PRKAG1: variants seen among roughly 807,000 people sequenced by gnomAD.
PRKAG1 encodes protein kinase AMP-activated non-catalytic subunit gamma 1.
PRKAG1 carries 27 observed loss-of-function variants against 48.2 expected under a neutral mutation model. The observed-to-expected ratio is 0.56, with a 90% CI of 0.41 to 0.77. PRKAG1 has a LOEUF of 0.77. Ranked by LOEUF, PRKAG1 falls within the 30% of genes least tolerant of loss-of-function variation. The pLI is 0.00. For missense variants in PRKAG1, 287 were observed against 398.3 expected (o/e 0.72, Z 2.38); for synonymous variants, 130 against 147.7 (o/e 0.88, Z 0.87).
At chr12:49,004,683 G>A (rs199566332) in intron 7 of PRKAG1, 50 bp from the exon 8 acceptor site, 17 of 1,612,270 alleles carry the variant, frequency 1.1e-5, no homozygotes, top group Non-Finnish European at 1.4e-5. Context: ...GGCTGGGGGT[G>A]ATTAAACAGG....
rs776341939 is a variant in PRKAG1 at position 49,005,721 on chromosome 12, G to A, written c.168+22C>T. On this transcript the variant is annotated intron_variant, in intron 3 of 11. Transcript: ENST00000548065. This position sits in a 1 kb window ranked among gnomAD's most constrained non-coding sequence, Gnocchi z 4.1. ...TAAACCACAGGCTCCAAAGGGGGAA[G>A]GGAAAAGAGGATTTCACCCACCTGC... 1.2e-6 allele frequency: 2 copies of A among 1,609,472 alleles called. No individual in the cohort carries two copies. The highest frequency in any genetic ancestry group is 1.7e-6 in the Non-Finnish European group (2 of 1,175,936).
chr12:49,017,248 T>C (rs1565742877), intron 1 of PRKAG1: 1 of 455,364 alleles, frequency 2.2e-6, no homozygotes, highest in African/African-American at 2.0e-5. Flanking sequence ...TCACTCAGAC[T>C]GGAGTGCAGT....
At chr12:49,004,484 G>T in intron 8 of PRKAG1, 23 bp downstream of exon 8, 1 of 1,609,600 alleles carries the variant, frequency 6.2e-7, no homozygotes, top group Admixed American at 1.7e-5. Flanking sequence ...AGAGAAAAAA[G>T]AACTGGGCTG....
At chr12:49,015,767 G>T (rs149025906) in intron 1 of PRKAG1, among the ~76,000 whole-genome samples, 2,796 of 151,932 alleles carry the variant, frequency 0.018, 75 homozygotes, top group African/African-American at 0.061. Context: ...TAGTAGAGAC[G>T]GGGTTTCACT....
At position 49,003,806 on chromosome 12, in the gene PRKAG1, C is replaced by A. The variant is rs199506395; in HGVS notation, c.654G>T (p.Gly218=). ...RTTTPVYVAL[G]IFVQHRVSAL... ...CTGAGACTCGATGCTGTACAAAAAT[C>A]CCCAGAGCCACATAGACGGGGGTGG... Residue 218 remains glycine, a synonymous_variant, in exon 9 of 12, where the codon GGG becomes GGT. Coordinates refer to ENST00000548065, the MANE Select transcript of PRKAG1 (RefSeq NM_002733.5). 3.7e-6 allele frequency: 6 copies of A among 1,614,032 alleles called. No homozygotes were observed. In the East Asian group the frequency reaches 1.3e-4, roughly 36 times the overall value.
At chr12:49,004,706 A>G in intron 7 of PRKAG1, 73 bp from the exon 8 acceptor site, 1 of 1,596,562 alleles carries the variant, frequency 6.3e-7, no homozygotes, top group Non-Finnish European at 8.6e-7. Context: ...CATACAGTGT[A>G]TTGCTCAACA....
In PRKAG1 at chr12:49,005,079, G is replaced by A. The variant is rs2293445; in HGVS notation, c.355+41C>T. ...ATGGAAAAGTGTTTCCCAGAAACCC[G>A]CCATCCCTTTATCCTTTTATAACCC... is the stretch of plus-strand genomic sequence containing the variant. On this transcript the variant is annotated intron_variant, in intron 6 of 11. Coordinates refer to ENST00000548065, the MANE Select transcript of PRKAG1 (RefSeq NM_002733.5). The surrounding 1 kb of genome is among the most constrained non-coding windows in gnomAD (Gnocchi z 4.1). The A allele has an allele frequency of 0.38, 614,355 of 1,612,624 alleles. 118,934 individuals are homozygous for A. Among genetic ancestry groups the A allele is most frequent in the South Asian group, 0.43 (38,974 of 91,028 alleles).
Position 49,005,242 on chromosome 12 carries a change from G to A in PRKAG1, c.309+64C>T, listed in dbSNP as rs1420809472. On this transcript the variant is annotated intron_variant, in intron 5 of 11. Coordinates refer to ENST00000548065, the MANE Select transcript of PRKAG1 (RefSeq NM_002733.5). This position sits in a 1 kb window ranked among gnomAD's most constrained non-coding sequence, Gnocchi z 4.1. Reference sequence around the variant, plus strand: ...CCCTCGTGGCTTGCTTGGAGAAAAAGAAATGAGAATGAGGGATTTAGGGCA... The same window carrying A: ...CCCTCGTGGCTTGCTTGGAGAAAAAAAAATGAGAATGAGGGATTTAGGGCA... 1 of 1,613,040 alleles carries A rather than the reference G, an allele frequency of 6.2e-7. No homozygotes were observed. Among genetic ancestry groups the A allele is most frequent in the Non-Finnish European group, 8.5e-7 (1 of 1,179,054 alleles).
chr12:49,003,597 T>C lies in PRKAG1; in HGVS notation c.704-2A>G. The C allele has an allele frequency of 6.5e-7, 1 of 1,534,076 alleles. No homozygotes were observed. Among genetic ancestry groups the C allele is most frequent in the Non-Finnish European group, 8.9e-7 (1 of 1,129,694 alleles). ...TGGAGTAGATGTCCACCACACGCCC[T>C]AGGGGGACAGAGGCAGCTCAGTAAG... is the stretch of plus-strand genomic sequence containing the variant. On this transcript the variant is annotated splice_acceptor_variant, in intron 9 of 11. Coordinates refer to ENST00000548065, the MANE Select transcript of PRKAG1 (RefSeq NM_002733.5). LOFTEE classifies it high-confidence loss of function.
At chr12:49,018,540 C>A in intron 1 of PRKAG1, 192 bp downstream of exon 1, 1 of 1,443,424 alleles carries the variant, frequency 6.9e-7, no homozygotes, top group Middle Eastern at 1.8e-4. Flanking sequence ...GCGGCGGGGA[C>A]GCGGCCCAGT....
At chr12:49,016,500 A>C (rs1941979110) in intron 1 of PRKAG1, 1 of 152,242 alleles carries the variant, frequency 6.6e-6, no homozygotes, top group Non-Finnish European at 1.5e-5. Flanking sequence ...TGTTTTGCAC[A>C]GCTGTCTTCT....
intron 2 of PRKAG1, among the ~76,000 whole-genome samples, chr12:49,007,286 CAAAAA>C (rs143240191): frequency 8.9e-6 from 1 of 112,188 alleles, no homozygotes. Flanking sequence ...GACTCCGTCT[CAAAAA>C]AAAAAAAAAA....
intron 1 of PRKAG1, among the ~76,000 whole-genome samples, chr12:49,014,676 G>A (rs958805293): frequency 6.6e-6 from 1 of 152,250 alleles, no homozygotes; most frequent in African/African-American, 2.4e-5. Context: ...GGGAACTTGA[G>A]TCCACTCAGC....
Position 49,011,555 on chromosome 12 carries a change from C to CTT in PRKAG1, c.58+1505_58+1506dup, listed in dbSNP as rs71802764. Reference sequence around the variant, plus strand: ...TTGACCAGACCTAGATAGTTGTCGCCTTTTTTTTTTTTTGAGACGGAGTTT... The same window carrying CTT: ...TTGACCAGACCTAGATAGTTGTCGCCTTTTTTTTTTTTTTTGAGACGGAGTTT... On this transcript the variant is annotated intron_variant, in intron 2 of 11. Transcript: ENST00000548065. 5.8e-5 allele frequency among the ~76,000 whole-genome samples: 8 copies of CTT among 136,992 alleles called. No homozygotes were observed. In the East Asian group the frequency reaches 8.4e-4, roughly 14 times the overall value. 89.9% of individuals were successfully genotyped at this position (136,992 alleles called of 152,430 possible). A position where few individuals can be genotyped will look rare whatever the true frequency, so the allele number is the denominator to read the frequency against.
intron 8 of PRKAG1, 141 bp downstream of exon 8, chr12:49,004,366 G>T: frequency 9.3e-7 from 1 of 1,079,676 alleles, no homozygotes; most frequent in Non-Finnish European, 1.3e-6. Flanking sequence ...CACTTTGGGA[G>T]GCTGAGGCGG....
chr12:49,010,325 C>T lies in PRKAG1; in HGVS notation c.58+2737G>A, dbSNP rs77725826. On this transcript the variant is annotated intron_variant, in intron 2 of 11. Coordinates refer to ENST00000548065, the MANE Select transcript of PRKAG1 (RefSeq NM_002733.5). Reference sequence around the variant, plus strand: ...GACAGTGAGTCATTTGGATAGGGAACATTCAATACTTATATATTTTAGGAC... The same window carrying T: ...GACAGTGAGTCATTTGGATAGGGAATATTCAATACTTATATATTTTAGGAC... Among the ~76,000 whole-genome samples, 646 of 152,242 alleles carry T rather than the reference C, an allele frequency of 4.2e-3. 4 individuals are homozygous for T. The highest frequency in any genetic ancestry group is 0.015 in the African/African-American group (617 of 41,526).
chr12:49,004,748 T>C, intron 7 of PRKAG1, 115 bp from the exon 8 acceptor site: 1 of 1,491,294 alleles, frequency 6.7e-7, no homozygotes, highest in Non-Finnish European at 9.2e-7. Flanking sequence ...AGGGGGGCAG[T>C]GTACAGGCCA....
rs1941375947 is a variant in PRKAG1, at chr12:49,003,407, A to G, written c.742-117T>C. ...AATTGTCAGCCACAAGCCACACCCAACTCATTCAATTCCTTTTCAAATAGG... is the reference window on the plus strand; with the variant it reads ...AATTGTCAGCCACAAGCCACACCCAGCTCATTCAATTCCTTTTCAAATAGG... On this transcript the variant is annotated intron_variant, in intron 10 of 11. Transcript: ENST00000548065. The G allele has an allele frequency of 2.6e-6, 4 of 1,534,258 alleles. No homozygotes were observed. The South Asian group carries it at 4.7e-5, about 18-fold the overall frequency.
At position 49,013,105 on chromosome 12, in the gene PRKAG1, A is replaced by C. The variant is rs1476358069; in HGVS notation, c.15T>G (p.Ile5Met). Reference sequence around the variant, plus strand: ...CCACAGCTGGGGAGCTATCTGAAGAAATGACCTGGAGAGATAAGAAAACAG... The same window carrying C: ...CCACAGCTGGGGAGCTATCTGAAGACATGACCTGGAGAGATAAGAAAACAG... Reference protein sequence around the residue: METVISSDSSPAVEN... With the variant: METVMSSDSSPAVEN... The change falls in exon 2 of 12, where the codon ATT (isoleucine) becomes ATG (methionine). Residue 5 changes from isoleucine to methionine, a missense_variant. Transcript: ENST00000548065. 1 of 1,613,650 alleles carries C rather than the reference A, an allele frequency of 6.2e-7. No individual in the cohort carries two copies. Among genetic ancestry groups the C allele is most frequent in the East Asian group, 2.2e-5 (1 of 44,890 alleles).
Sources: allele counts gnomAD v4.1 joint callset (sites outside exome capture counted in the v4.1 genomes callset), GRCh38; gene constraint gnomAD v4.1.1; non-coding constraint Gnocchi (gnomAD v3.1); transcripts MANE v1.5; gene names NCBI Gene and HGNC (gene_info 2026-07-23, HGNC 2026-07-21).